The following PALD1 variants were observed in gnomAD, a reference collection of about 807,000 sequenced individuals.
PALD1 encodes phosphatase domain containing paladin 1.
Under a neutral mutation model 96.0 loss-of-function variants are expected in PALD1, and 57 were observed. The ratio of observed to expected loss-of-function variants is 0.59; its 90% CI spans 0.48 to 0.74. The LOEUF is 0.74. Among genes scored for constraint, PALD1 ranks in the 30% least tolerant of loss-of-function variants. The pLI, the probability that PALD1 is intolerant of heterozygous loss-of-function variation, is 0.00. For synonymous variants in PALD1, 464 were observed against 473.6 expected (o/e 0.98, Z 0.26); for missense variants, 1,063 against 1,143.7 (o/e 0.93, Z 1.02).
At chr10:70,505,447 A>G (rs534011235) in intron 1 of PALD1, among the ~76,000 whole-genome samples, 1 of 152,204 alleles carries the variant, frequency 6.6e-6, no homozygotes, top group South Asian at 2.1e-4. Context: ...ACTAAAAAAA[A>G]TACAAAATTA....
intron 1 of PALD1, among the ~76,000 whole-genome samples, chr10:70,510,195 G>T (rs1342711408): frequency 6.6e-6 from 1 of 152,132 alleles, no homozygotes; most frequent in East Asian, 1.9e-4. Flanking sequence ...GGAGACAGAT[G>T]CCCAGAATCC....
At chr10:70,526,241 T>C in intron 2 of PALD1, 105 bp downstream of exon 2, 1 of 892,570 alleles carries the variant, frequency 1.1e-6, no homozygotes, top group Non-Finnish European at 1.8e-6. Context: ...GCAGACTGGA[T>C]TCGGGTTCAT....
At position 70,501,832 on chromosome 10, in the gene PALD1, T is replaced by TGCGC. The variant is rs1554854856; in HGVS notation, c.-30+22774_-30+22775insCGCG. On this transcript the variant is annotated intron_variant, in intron 1 of 19. Coordinates refer to ENST00000263563, the MANE Select transcript of PALD1 (RefSeq NM_014431.3). ...TTTACTCTGTGTGTGTGTGTGTGTG[T>TGCGC]GTGCGTGCGTGCATGCATACCTGTG... Among the ~76,000 whole-genome samples, 1,190 of 137,824 alleles carry TGCGC rather than the reference T, an allele frequency of 8.6e-3. 18 individuals are homozygous for TGCGC. The highest frequency in any genetic ancestry group is 0.028 in the African/African-American group (1,126 of 39,866). The allele number at this position is 137,824 out of a possible 152,430, so 90.4% of individuals were successfully genotyped here.
intron 1 of PALD1, among the ~76,000 whole-genome samples, chr10:70,480,041 G>C (rs1293870358): frequency 6.6e-6 from 1 of 152,260 alleles, no homozygotes; most frequent in Non-Finnish European, 1.5e-5. Flanking sequence ...TAGGCTGCGA[G>C]AGTGCCAGGG....
At chr10:70,491,879 C>G (rs923779928) in intron 1 of PALD1, among the ~76,000 whole-genome samples, 5 of 152,186 alleles carry the variant, frequency 3.3e-5, no homozygotes, top group Middle Eastern at 3.2e-3. Flanking sequence ...TTTCACTTAG[C>G]ATAGTGTTCA....
chr10:70,566,696 G>A lies in PALD1; in HGVS notation c.2534G>A (p.Cys845Tyr). The A allele has an allele frequency of 6.2e-7, 1 of 1,605,316 alleles. No individual in the cohort carries two copies. The highest frequency in any genetic ancestry group is 1.1e-5 in the South Asian group (1 of 89,484). The change falls in exon 20 of 20, where the codon TGC becomes TAC. Residue 845 changes from cysteine (C) to tyrosine (Y), a missense_variant. Coordinates refer to ENST00000263563, the MANE Select transcript of PALD1 (RefSeq NM_014431.3). Reference protein sequence around the residue: ...RLRYRWQEQSCSLEPSAPEDL... With the variant: ...RLRYRWQEQSYSLEPSAPEDL... ...CGCTACCGGTGGCAGGAGCAGAGCT[G>A]CAGCCTCGAGCCCTCTGCCCCCGAG...
At chr10:70,460,609 T>C in the PALD1 span, among the ~76,000 whole-genome samples, 11 of 152,220 alleles carry the variant, frequency 7.2e-5, no homozygotes, top group Admixed American at 5.9e-4. Flanking sequence ...CACCACCTGG[T>C]CCCAGCCACC....
chr10:70,538,806 C>A, intron 12 of PALD1, 86 bp from the exon 13 acceptor site: 3 of 1,112,722 alleles, frequency 2.7e-6, no homozygotes, highest in Admixed American at 1.7e-5. Context: ...TCCACCCCAC[C>A]CCCCGTCTGC....
Position 70,540,713 on chromosome 10 carries a change from T to C in PALD1, c.1909-389T>C, listed in dbSNP as rs1029093486. 2.6e-5 allele frequency among the ~76,000 whole-genome samples: 4 copies of C among 152,110 alleles called. No homozygotes were observed. Among genetic ancestry groups the C allele is most frequent in the African/African-American group, 9.7e-5 (4 of 41,414 alleles). On this transcript the variant is annotated intron_variant, in intron 15 of 19. Coordinates refer to ENST00000263563, the MANE Select transcript of PALD1 (RefSeq NM_014431.3). This position sits in a 1 kb window ranked among gnomAD's most constrained non-coding sequence, Gnocchi z 4.2. ...TCTTCTGAGGTCAGGCCCCCGTCCA[T>C]GGTGGGACCAGGGCTGGGTCCAGCT...
chr10:70,467,032 G>A, the PALD1 span, among the ~76,000 whole-genome samples: 2 of 152,190 alleles, frequency 1.3e-5, no homozygotes. Flanking sequence ...CTTGAAGTGG[G>A]TGACAACTCC....
intron 1 of PALD1, among the ~76,000 whole-genome samples, chr10:70,506,113 C>T (rs1345534678): frequency 2.6e-5 from 4 of 152,188 alleles, no homozygotes; most frequent in African/African-American, 9.7e-5. Flanking sequence ...ATGCACTTCC[C>T]GTTTTATCAC....
chr10:70,558,121 G>C (rs12764860), intron 18 of PALD1, among the ~76,000 whole-genome samples: 76,396 of 151,262 alleles, frequency 0.51, 20,578 homozygotes, highest in Middle Eastern at 0.66. Context: ...TTTTGTTGTT[G>C]TTTTGGTAGA....
chr10:70,471,101 C>T, the PALD1 span, among the ~76,000 whole-genome samples: 21 of 151,954 alleles, frequency 1.4e-4, no homozygotes, highest in African/African-American at 4.8e-4. Context: ...GGATTATAGG[C>T]GTGAGCCACC....
At chr10:70,510,945 G>A (rs1389188647) in intron 1 of PALD1, among the ~76,000 whole-genome samples, 2 of 152,160 alleles carry the variant, frequency 1.3e-5, no homozygotes, top group Non-Finnish European at 2.9e-5. Flanking sequence ...CTATCCTGCA[G>A]GCCCTGGTGG....
Position 70,547,457 on chromosome 10 carries a change from A to AAACCCCCCCCCCC in PALD1, c.2262+11_2262+12insAACCCCCCCCCCC. 1 of 1,016,494 alleles carries AAACCCCCCCCCCC rather than the reference A, an allele frequency of 9.8e-7. No individual in the cohort carries two copies. Among genetic ancestry groups the AAACCCCCCCCCCC allele is most frequent in the Non-Finnish European group, 1.4e-6 (1 of 730,202 alleles). The allele number at this position is 1,016,494 out of a possible 1,614,324, so 63.0% of individuals were successfully genotyped here. On this transcript the variant is annotated intron_variant, in intron 18 of 19. Transcript: ENST00000263563. Reference sequence around the variant, plus strand: ...TGCACCTACCGCCAGGTGAGCCCCCACCCCACCCCACCCCACCCTGCCCCA... The same window carrying AAACCCCCCCCCCC: ...TGCACCTACCGCCAGGTGAGCCCCCAAACCCCCCCCCCCCCCCACCCCACCCCACCCTGCCCCA...
intron 1 of PALD1, among the ~76,000 whole-genome samples, chr10:70,489,103 G>T (rs931848001): frequency 1.1e-4 from 16 of 152,180 alleles, no homozygotes; most frequent in Non-Finnish European, 2.1e-4. Flanking sequence ...GACCCTTGGG[G>T]AGTTGCCCCT....
chr10:70,502,437 C>T (rs577687923), intron 1 of PALD1, among the ~76,000 whole-genome samples: 32 of 152,242 alleles, frequency 2.1e-4, no homozygotes, highest in Admixed American at 5.9e-4. Context: ...TACTGGATAC[C>T]TTTGTGGCCC....
chr10:70,539,093 C>G lies in PALD1; in HGVS notation c.1571C>G (p.Ala524Gly), dbSNP rs146748797. The G allele has an allele frequency of 6.2e-7, 1 of 1,613,862 alleles. No individual in the cohort carries two copies. Among genetic ancestry groups the G allele is most frequent in the Non-Finnish European group, 8.5e-7 (1 of 1,179,894 alleles). Residue 524 changes from alanine to glycine, a missense_variant and splice_region_variant, in exon 14 of 20, where the codon GCC becomes GGC. By Grantham distance (60) the Ala-to-Gly change is moderately conservative (BLOSUM62 0). Coordinates refer to ENST00000263563, the MANE Select transcript of PALD1 (RefSeq NM_014431.3). The surrounding 1 kb of genome is among the most constrained non-coding windows in gnomAD (Gnocchi z 4.5). Reference protein sequence around the residue: ...IYGTAQPSAKALGSILAYLTD... With the variant: ...IYGTAQPSAKGLGSILAYLTD... ...CACTGCCGGCCCTCCTGTGCCCAGGCCCTGGGGAGCATCCTGGCCTACCTG... is the reference window on the plus strand; with the variant it reads ...CACTGCCGGCCCTCCTGTGCCCAGGGCCTGGGGAGCATCCTGGCCTACCTG...
At chr10:70,565,844 T>C (rs1194003798) in intron 19 of PALD1, among the ~76,000 whole-genome samples, 1 of 151,618 alleles carries the variant, frequency 6.6e-6, no homozygotes, top group Non-Finnish European at 1.5e-5. Context: ...AGAGCAGAAG[T>C]TGGGGGAGCC....
Sources: gnomAD v4.1 joint callset for allele counts (sites outside exome capture counted in the v4.1 genomes callset) on GRCh38, gnomAD v4.1.1 for gene constraint, Gnocchi (gnomAD v3.1) non-coding constraint, MANE v1.5 for transcripts, NCBI Gene and HGNC (gene_info 2026-07-23, HGNC 2026-07-21) for gene names.